Variants in BMP3 observed in about 807,000 individuals in gnomAD.
BMP3 encodes bone morphogenetic protein 3.
A neutral mutation model predicts 38.1 loss-of-function variants in BMP3; 23 were observed. That is an observed-to-expected ratio of 0.60 (90% confidence interval 0.43 to 0.86). The LOEUF is 0.86. Among genes scored for constraint, BMP3 ranks in the 40% least tolerant of loss-of-function variants. The pLI is 0.00. For synonymous variants in BMP3, 258 were observed against 225.7 expected, an observed-to-expected ratio of 1.14 and a Z score of -1.28; for missense variants, 628 against 579.6, an observed-to-expected ratio of 1.08 and a Z score of -0.86.
Position 81,031,174 on chromosome 4 carries a change from C to A in BMP3, c.-111C>A. 8.2e-7 allele frequency: 1 copy of A among 1,217,640 alleles called. No homozygotes were observed. Among genetic ancestry groups the A allele is most frequent in the Non-Finnish European group, 1.1e-6 (1 of 899,296 alleles). The allele number at this position is 1,217,640 out of a possible 1,614,324, so 75.4% of individuals were successfully genotyped here. Reference sequence around the variant, plus strand: ...GGCCGCGTCCCGGGCTCCGTGCGCCCTCGCCCCAGCTGGTTTGGAGTTCAA... The same window carrying A: ...GGCCGCGTCCCGGGCTCCGTGCGCCATCGCCCCAGCTGGTTTGGAGTTCAA... On this transcript the variant is annotated 5_prime_UTR_variant, in exon 1 of 3. Coordinates refer to ENST00000282701, the MANE Select transcript of BMP3 (RefSeq NM_001201.5).
Position 81,030,743 on chromosome 4 carries a change from G to A in BMP3, c.-542G>A, listed in dbSNP as rs73831263. 7.8e-3 allele frequency among the ~76,000 whole-genome samples: 1,178 copies of A among 150,156 alleles called. 10 individuals carry two copies. Among genetic ancestry groups the A allele is most frequent in the African/African-American group, 0.021 (857 of 40,632 alleles). ...CATACACACACACACACGCACACAC[G>A]CGCGCGCGCGCGCGCACACACACAC... is the stretch of plus-strand genomic sequence containing the variant. On this transcript the variant is annotated 5_prime_UTR_variant, in exon 1 of 3. Transcript: ENST00000282701.
rs1042024842 is a variant in BMP3 at position 81,048,700 on chromosome 4, G to A, written c.1227+2052G>A. On this transcript the variant is annotated intron_variant, in intron 2 of 2. Transcript: ENST00000282701. ...AATTTAAGAATTGATGAGGAATAAGGTAAAAATAGCAGAAATAAATTTAAG... is the reference window on the plus strand; with the variant it reads ...AATTTAAGAATTGATGAGGAATAAGATAAAAATAGCAGAAATAAATTTAAG... Among the ~76,000 whole-genome samples the A allele has an allele frequency of 2.8e-4, 42 of 152,158 alleles. 1 individual carries two copies. The highest frequency in any genetic ancestry group is 5.9e-5 in the Non-Finnish European group (4 of 68,032).
intron 2 of BMP3, 38 bp downstream of exon 2, chr4:81,046,686 T>C (rs1243002589): frequency 6.4e-7 from 1 of 1,552,392 alleles, no homozygotes; most frequent in East Asian, 2.3e-5. Flanking sequence ...ACTTCCTATT[T>C]CCATTAGTAG....
At chr4:81,035,536 AAGC>A (rs1481698048) in intron 1 of BMP3, among the ~76,000 whole-genome samples, 2 of 152,192 alleles carry the variant, frequency 1.3e-5, no homozygotes, top group East Asian at 3.9e-4. Flanking sequence ...ATCTGCTTTT[AAGC>A]ATTTTTGCAT....
chr4:81,053,608 T>TG lies in BMP3; in HGVS notation c.*72_*73insG. On this transcript the variant is annotated 3_prime_UTR_variant, in exon 3 of 3. Coordinates refer to ENST00000282701, the MANE Select transcript of BMP3 (RefSeq NM_001201.5). Reference sequence around the variant, plus strand: ...TTTTATGGACTTCTTCCTGTTTTTTTTTTTTTTTTTTTTGCACTGCCAATG... The same window carrying TG: ...TTTTATGGACTTCTTCCTGTTTTTTTGTTTTTTTTTTTTTGCACTGCCAATG... 3.8e-6 allele frequency: 3 copies of TG among 799,708 alleles called. No individual in the cohort carries two copies. Among genetic ancestry groups the TG allele is most frequent in the South Asian group, 7.5e-5 (2 of 26,638 alleles). 49.5% of individuals were successfully genotyped at this position (799,708 alleles called of 1,614,324 possible). A position where few individuals can be genotyped will look rare whatever the true frequency, so the allele number is the denominator to read the frequency against.
intron 1 of BMP3, among the ~76,000 whole-genome samples, chr4:81,039,879 A>G (rs925952501): frequency 1.1e-4 from 17 of 152,194 alleles, no homozygotes; most frequent in African/African-American, 4.1e-4. Flanking sequence ...CAAAGGTGTA[A>G]TGAAAATGGT....
chr4:81,048,270 A>G lies in BMP3; in HGVS notation c.1227+1622A>G, dbSNP rs1229307174. Among the ~76,000 whole-genome samples, 5 of 152,224 alleles carry G rather than the reference A, an allele frequency of 3.3e-5. No individual in the cohort carries two copies. The East Asian group carries it at 7.7e-4, about 23-fold the overall frequency. On this transcript the variant is annotated intron_variant, in intron 2 of 2. Coordinates refer to ENST00000282701, the MANE Select transcript of BMP3 (RefSeq NM_001201.5). ...ATGACAAATGTAACAAGCAGTGATG[A>G]GTCTTTATTTTACAGTGTGGCTTGC...
Position 81,031,227 on chromosome 4 carries a change from GC to G in BMP3, c.-56del, listed in dbSNP as rs1739747750. On this transcript the variant is annotated 5_prime_UTR_variant, in exon 1 of 3. Transcript: ENST00000282701. ...CTCGGCTCCGCCGCCGGCTCCTTGC[GC>G]CTTCGGAGTGTCCCGCAGCGACGCC... 6.8e-7 allele frequency: 1 copy of G among 1,474,844 alleles called. No individual in the cohort carries two copies. The allele number at this position is 1,474,844 out of a possible 1,614,324, so 91.4% of individuals were successfully genotyped here.
At position 81,055,403 on chromosome 4, in the gene BMP3, T is replaced by G. The variant is rs138864615; in HGVS notation, c.*1867T>G. ...ACACACCAGTTCTAAAAAAAATGAG[T>G]GAAGTTCTGGTGCCTGAGTTACCAT... On this transcript the variant is annotated 3_prime_UTR_variant, in exon 3 of 3. Transcript: ENST00000282701. The G allele has an allele frequency of 6.6e-6, 1 of 152,152 alleles. No homozygotes were observed. The highest frequency in any genetic ancestry group is 1.5e-5 in the Non-Finnish European group (1 of 68,018). 9.4% of individuals were successfully genotyped at this position (152,152 alleles called of 1,614,324 possible).
chr4:81,033,363 C>A (rs1739828601), intron 1 of BMP3, among the ~76,000 whole-genome samples: 1 of 152,172 alleles, frequency 6.6e-6, no homozygotes. Context: ...TTGGCTTCAA[C>A]TCATTCCTTG....
At position 81,053,501 on chromosome 4, in the gene BMP3, C is replaced by G. The variant is rs1319449453; in HGVS notation, c.1384C>G (p.Pro462Ala). 6.3e-7 allele frequency: 1 copy of G among 1,592,706 alleles called. No individual in the cohort carries two copies. The highest frequency in any genetic ancestry group is 1.4e-5 in the African/African-American group (1 of 73,474). The change falls in exon 3 of 3, where the codon CCT becomes GCT. Residue 462 changes from proline (P) to alanine (A), a missense_variant. Coordinates refer to ENST00000282701, the MANE Select transcript of BMP3 (RefSeq NM_001201.5). The stretch of plus-strand genomic sequence containing the variant: ...TAAGAATGTAGTGCTTAAAGTATAC[C>G]CTAACATGACAGTAGAGTCTTGCGC... Reference protein sequence around the residue: ...ENKNVVLKVYPNMTVESCACR With the variant: ...ENKNVVLKVYANMTVESCACR
chr4:81,035,855 G>T (rs978343484), intron 1 of BMP3, among the ~76,000 whole-genome samples: 4 of 151,962 alleles, frequency 2.6e-5, no homozygotes, highest in Admixed American at 2.6e-4. Context: ...CCCCATAAAA[G>T]GCGAATACTT....
chr4:81,053,598 C>CA lies in BMP3; in HGVS notation c.*62_*63insA. 3 of 779,174 alleles carry CA rather than the reference C, an allele frequency of 3.9e-6. No individual in the cohort carries two copies. Among genetic ancestry groups the CA allele is most frequent in the Non-Finnish European group, 5.2e-6 (3 of 578,680 alleles). 48.3% of individuals were successfully genotyped at this position (779,174 alleles called of 1,614,324 possible). On this transcript the variant is annotated 3_prime_UTR_variant, in exon 3 of 3. Transcript: ENST00000282701. ...ATTAGTTTATTTTTATGGACTTCTT[C>CA]CTGTTTTTTTTTTTTTTTTTTTTGC...
At position 81,056,477 on chromosome 4, in the gene BMP3, C is replaced by T. The variant is rs1238191686; in HGVS notation, c.*2941C>T. On this transcript the variant is annotated 3_prime_UTR_variant, in exon 3 of 3. Coordinates refer to ENST00000282701, the MANE Select transcript of BMP3 (RefSeq NM_001201.5). ...TCAGCCTCCTGAGTAGCTGGGATTA[C>T]AGGTGTCCGCCACCATGCCTGGCTA... 6.6e-6 allele frequency: 1 copy of T among 152,422 alleles called. No homozygotes were observed. Among genetic ancestry groups the T allele is most frequent in the Non-Finnish European group, 1.5e-5 (1 of 68,040 alleles). The allele number at this position is 152,422 out of a possible 1,614,324, so 9.4% of individuals were successfully genotyped here. A position where few individuals can be genotyped will look rare whatever the true frequency, so the allele number is the denominator to read the frequency against.
rs1238437053 is a variant in BMP3, at chr4:81,055,872, C to T, written c.*2336C>T. 5 of 152,072 alleles carry T rather than the reference C, an allele frequency of 3.3e-5. No individual in the cohort carries two copies. Among genetic ancestry groups the T allele is most frequent in the Non-Finnish European group, 7.4e-5 (5 of 67,984 alleles). 9.4% of individuals were successfully genotyped at this position (152,072 alleles called of 1,614,324 possible). On this transcript the variant is annotated 3_prime_UTR_variant, in exon 3 of 3. Transcript: ENST00000282701. ...ATAAAATTACAACACAATGAAAGAA[C>T]TTGGGTAATCTCTTAGCAATGGAAA... is the stretch of plus-strand genomic sequence containing the variant.
intron 1 of BMP3, among the ~76,000 whole-genome samples, chr4:81,035,994 T>C (rs1739913416): frequency 6.6e-6 from 1 of 152,056 alleles, no homozygotes; most frequent in South Asian, 2.1e-4. Flanking sequence ...TAACTTATAT[T>C]ATTACATTTT....
intron 2 of BMP3, among the ~76,000 whole-genome samples, chr4:81,049,135 T>C (rs1397906579): frequency 1.3e-5 from 2 of 152,122 alleles, no homozygotes; most frequent in Non-Finnish European, 2.9e-5. Context: ...ACCTTGCACA[T>C]AGTAGGTTAT....
chr4:81,034,537 C>T (rs945969169), intron 1 of BMP3, among the ~76,000 whole-genome samples: 12 of 152,168 alleles, frequency 7.9e-5, no homozygotes, highest in Admixed American at 6.5e-4. Flanking sequence ...ACTTAATCTT[C>T]CTTTTCTTAA....
intron 1 of BMP3, among the ~76,000 whole-genome samples, chr4:81,045,467 C>A (rs1041051250): frequency 6.6e-6 from 1 of 151,968 alleles, no homozygotes; most frequent in Non-Finnish European, 1.5e-5. Flanking sequence ...TTAATGAAGT[C>A]CAGTTTATTT....
Sources: gnomAD v4.1 joint callset for allele counts (sites outside exome capture counted in the v4.1 genomes callset) on GRCh38, gnomAD v4.1.1 for gene constraint, MANE v1.5 for transcripts, NCBI Gene and HGNC (gene_info 2026-07-23, HGNC 2026-07-21) for gene names.